The following CTNNA2 variants were observed in gnomAD, a reference collection of about 807,000 sequenced individuals.
CTNNA2 encodes catenin alpha-2.
CTNNA2 carries 42 observed loss-of-function variants against 101.0 expected under a neutral mutation model. The ratio of observed to expected loss-of-function variants is 0.42; its 90% CI spans 0.32 to 0.54. The LOEUF (loss-of-function observed/expected upper bound fraction) is 0.54. CTNNA2 is among the 20% of genes least tolerant of loss of function. CTNNA2 has a pLI of 0.14. For missense variants in CTNNA2, 871 were observed against 1,223.1 expected, an observed-to-expected ratio of 0.71 and a Z score of 4.29; for synonymous variants, 450 against 456.4, an observed-to-expected ratio of 0.99 and a Z score of 0.18.
At chr2:80,491,256 A>G (rs1275502959) in intron 9 of CTNNA2, among the ~76,000 whole-genome samples, 1 of 152,166 alleles carries the variant, frequency 6.6e-6, no homozygotes, top group Non-Finnish European at 1.5e-5. Flanking sequence ...GAGGAATTAC[A>G]CGTGAGCATC....
chr2:79,240,634 C>A (rs898453197), intron 2 of CTNNA2, among the ~76,000 whole-genome samples: 6 of 152,016 alleles, frequency 3.9e-5, no homozygotes, highest in African/African-American at 7.3e-5. Context: ...GATAAAATCT[C>A]ATTTATCCTA....
At chr2:80,079,819 A>AAAATGAAAT in intron 7 of CTNNA2, among the ~76,000 whole-genome samples, 1 of 126,466 alleles carries the variant, frequency 7.9e-6, no homozygotes, top group Non-Finnish European at 1.7e-5. Flanking sequence ...TCTCAAAAAT[A>AAAATGAAAT]AAATAAAATA....
chr2:80,460,759 A>T (rs1684357245), intron 9 of CTNNA2, among the ~76,000 whole-genome samples: 2 of 152,170 alleles, frequency 1.3e-5, no homozygotes, highest in Admixed American at 6.5e-5. Flanking sequence ...TATCTTGTAC[A>T]TTCCCATTCT....
At chr2:80,066,895 C>A (rs1357503708) in intron 7 of CTNNA2, among the ~76,000 whole-genome samples, 1 of 152,030 alleles carries the variant, frequency 6.6e-6, no homozygotes, top group Admixed American at 6.6e-5. Flanking sequence ...CACAATAGAA[C>A]CTATTCAGCC....
At chr2:79,934,969 T>C (rs1301341809) in intron 7 of CTNNA2, among the ~76,000 whole-genome samples, 1 of 152,234 alleles carries the variant, frequency 6.6e-6, no homozygotes, top group Non-Finnish European at 1.5e-5. Context: ...TTGGATGAGA[T>C]TGCAGTTGCA....
chr2:80,483,871 G>C (rs780017825), intron 9 of CTNNA2, among the ~76,000 whole-genome samples: 9 of 152,164 alleles, frequency 5.9e-5, no homozygotes, highest in Non-Finnish European at 1.0e-4. Flanking sequence ...GTGCAGGGCT[G>C]TACAGTGTAG....
In CTNNA2 at chr2:79,450,727, T is replaced by A. The variant is rs531259745; in HGVS notation, c.-134-54327T>A. Among the ~76,000 whole-genome samples, 15 of 152,212 alleles carry A rather than the reference T, an allele frequency of 9.9e-5. No individual in the cohort carries two copies. In the South Asian group the frequency reaches 3.1e-3, roughly 31 times the overall value. ...CTAATTGATACAAACAAGAGTTAAA[T>A]TCCTATGGCATATTTCTGGTCACAA... is the stretch of plus-strand genomic sequence containing the variant. On this transcript the variant is annotated intron_variant, in intron 4 of 21. Coordinates refer to the CTNNA2 transcript ENST00000466387.
chr2:80,525,873 G>T (rs905960816), intron 9 of CTNNA2, among the ~76,000 whole-genome samples: 2 of 152,142 alleles, frequency 1.3e-5, no homozygotes, highest in Non-Finnish European at 2.9e-5. Flanking sequence ...CAGACTCCAG[G>T]TTCAAACATT....
intron 3 of CTNNA2, among the ~76,000 whole-genome samples, chr2:79,757,951 G>A (rs1347074940): frequency 6.6e-6 from 1 of 152,156 alleles, no homozygotes; most frequent in East Asian, 1.9e-4. Flanking sequence ...TGTCTTTATT[G>A]CTAACGTCAT....
rs539830326 is a variant in CTNNA2 at position 80,494,500 on chromosome 2, G to T, written c.1291-50482G>T. Among the ~76,000 whole-genome samples the T allele has an allele frequency of 1.6e-3, 243 of 152,122 alleles. 2 individuals are homozygous for T. The highest frequency in any genetic ancestry group is 5.5e-3 in the African/African-American group (228 of 41,492). ...TGCATGGTGGGGGGGACTATACATA[G>T]ATTTTTTTTTCTCTTAATTCAAAAA... On this transcript the variant is annotated intron_variant, in intron 9 of 18. Transcript: ENST00000402739.
chr2:79,848,365 T>G (rs1484483264), intron 3 of CTNNA2, among the ~76,000 whole-genome samples: 1 of 152,206 alleles, frequency 6.6e-6, no homozygotes, highest in African/African-American at 2.4e-5. Flanking sequence ...CTGTTTAACG[T>G]TTCCTAATTT....
intron 3 of CTNNA2, among the ~76,000 whole-genome samples, chr2:79,342,737 A>C (rs1677165793): frequency 6.6e-6 from 1 of 152,144 alleles, no homozygotes; most frequent in African/African-American, 2.4e-5. Context: ...CTACCTGCAG[A>C]TCCTCTCATG....
chr2:79,216,076 A>G (rs1457191666), intron 2 of CTNNA2, among the ~76,000 whole-genome samples: 1 of 152,252 alleles, frequency 6.6e-6, no homozygotes, highest in Non-Finnish European at 1.5e-5. Flanking sequence ...ACCTCGGACC[A>G]TTTGCCTATT....
rs140097990 is a variant in CTNNA2 at position 79,882,759 on chromosome 2, T to G, written c.852+8417T>G. Among the ~76,000 whole-genome samples the G allele has an allele frequency of 1.8e-3, 275 of 152,350 alleles. 4 individuals carry two copies. The highest frequency in any genetic ancestry group is 6.3e-3 in the African/African-American group (262 of 41,584). On this transcript the variant is annotated intron_variant, in intron 6 of 18. Transcript: ENST00000402739. ...ACTCCCCCTGGGAGCTTGGCAGGCT[T>G]AAGCAGGTTCCAGCTGAGATGCTGC...
chr2:80,070,384 T>C (rs1309744712), intron 7 of CTNNA2, among the ~76,000 whole-genome samples: 1 of 152,126 alleles, frequency 6.6e-6, no homozygotes, highest in Non-Finnish European at 1.5e-5. Flanking sequence ...CTTGGTTGCA[T>C]AAAGCAACAG....
At chr2:80,063,766 A>C (rs966041984) in intron 7 of CTNNA2, among the ~76,000 whole-genome samples, 1 of 152,248 alleles carries the variant, frequency 6.6e-6, no homozygotes, top group Non-Finnish European at 1.5e-5. Flanking sequence ...GTTTCTCTTG[A>C]GCTTCAACAC....
chr2:80,361,607 C>T (rs912375526), intron 7 of CTNNA2, among the ~76,000 whole-genome samples: 19 of 152,190 alleles, frequency 1.2e-4, no homozygotes, highest in African/African-American at 3.6e-4. Flanking sequence ...TTTTAAAAAT[C>T]ATGACATGAC....
chr2:79,994,259 A>G (rs1692386348), intron 7 of CTNNA2, among the ~76,000 whole-genome samples: 1 of 152,154 alleles, frequency 6.6e-6, no homozygotes, highest in Non-Finnish European at 1.5e-5. Context: ...TGTTCCTTAA[A>G]ACTTTGTCTT....
chr2:80,185,690 A>G (rs1706077842), intron 7 of CTNNA2, among the ~76,000 whole-genome samples: 1 of 152,168 alleles, frequency 6.6e-6, no homozygotes, highest in South Asian at 2.1e-4. Flanking sequence ...TTTGTTAAAG[A>G]GCGGCATGTT....
Sources: gnomAD v4.1 joint callset for allele counts (sites outside exome capture counted in the v4.1 genomes callset) on GRCh38, gnomAD v4.1.1 for gene constraint, MANE v1.5 for transcripts, NCBI Gene and HGNC (gene_info 2026-07-23, HGNC 2026-07-21) for gene names.